ZSWIM7: variants seen among roughly 807,000 people sequenced by gnomAD.
ZSWIM7 encodes zinc finger SWIM-type containing 7.
Under a neutral mutation model 21.1 loss-of-function variants are expected in ZSWIM7, and 22 were observed. That is an observed-to-expected ratio of 1.04 (90% confidence interval 0.74 to 1.49). ZSWIM7 has a LOEUF of 1.49. Ranked by LOEUF, ZSWIM7 falls within the 40% of genes most tolerant of loss-of-function variation. The probability of loss-of-function intolerance (pLI) is 0.00; values close to 1 mark genes in which losing one functional copy is unlikely to be tolerated. For missense variants in ZSWIM7, 193 were observed against 168.0 expected (o/e 1.15, Z -0.82); for synonymous variants, 67 against 66.5 (o/e 1.01, Z -0.04).
intron 1 of ZSWIM7, among the ~76,000 whole-genome samples, chr17:15,994,523 T>C (rs1042737643): frequency 2.6e-5 from 4 of 152,136 alleles, no homozygotes; most frequent in African/African-American, 9.7e-5. Context: ...TCTTTTCGAG[T>C]ACGTTTGAGA....
At chr17:15,982,283 G>A (rs554077631) in intron 3 of ZSWIM7, among the ~76,000 whole-genome samples, 30 of 152,182 alleles carry the variant, frequency 2.0e-4, no homozygotes, top group Non-Finnish European at 1.5e-5. Flanking sequence ...TTTTTGTTGA[G>A]GTCTTCATTC....
Position 15,999,633 on chromosome 17 carries a change from C to G in ZSWIM7, c.-39G>C. 6.4e-7 allele frequency: 1 copy of G among 1,566,644 alleles called. No homozygotes were observed. The highest frequency in any genetic ancestry group is 8.6e-7 in the Non-Finnish European group (1 of 1,157,028). ...ACGCCCTCCACGACCGGCGGACCGCCGCGACGCTCCAGCTGACTGCGCCTA... is the reference window on the plus strand; with the variant it reads ...ACGCCCTCCACGACCGGCGGACCGCGGCGACGCTCCAGCTGACTGCGCCTA... On this transcript the variant is annotated 5_prime_UTR_variant, in exon 1 of 5. Transcript: ENST00000399277.
chr17:15,985,712 C>T (rs886605620), intron 3 of ZSWIM7, among the ~76,000 whole-genome samples: 1 of 152,122 alleles, frequency 6.6e-6, no homozygotes, highest in South Asian at 2.1e-4. Context: ...TACTGTTGAC[C>T]AATGGGAGGA....
At chr17:15,995,428 C>G (rs972855525) in intron 1 of ZSWIM7, among the ~76,000 whole-genome samples, 1 of 150,684 alleles carries the variant, frequency 6.6e-6, no homozygotes, top group Non-Finnish European at 1.5e-5. Context: ...CCACCACGCC[C>G]AGCTAATTTT....
chr17:15,999,628 A>C lies in ZSWIM7; in HGVS notation c.-34T>G. The C allele has an allele frequency of 6.4e-7, 1 of 1,564,756 alleles. No individual in the cohort carries two copies. The highest frequency in any genetic ancestry group is 8.6e-7 in the Non-Finnish European group (1 of 1,156,290). ...AGGACACGCCCTCCACGACCGGCGG[A>C]CCGCCGCGACGCTCCAGCTGACTGC... is the stretch of plus-strand genomic sequence containing the variant. On this transcript the variant is annotated 5_prime_UTR_variant, in exon 1 of 5. Transcript: ENST00000399277.
At chr17:15,978,206 C>T in intron 4 of ZSWIM7, 43 bp from the exon 5 acceptor site, 1 of 1,452,934 alleles carries the variant, frequency 6.9e-7, no homozygotes, top group African/African-American at 1.4e-5. Flanking sequence ...CAGGCAGGGC[C>T]AGGGCTGGCC....
chr17:15,999,377 T>C (rs1358284687), intron 1 of ZSWIM7, 142 bp downstream of exon 1: 7 of 1,094,566 alleles, frequency 6.4e-6, no homozygotes, highest in African/African-American at 1.6e-5. Flanking sequence ...TTTTGTCTTT[T>C]TACGAACAAG....
rs61530520 is a variant in ZSWIM7, at chr17:15,977,516, G to A, written c.*531C>T. 6,968 of 148,388 alleles carry A rather than the reference G, an allele frequency of 0.047. 154 individuals are homozygous for A. Among genetic ancestry groups the A allele is most frequent in the East Asian group, 0.075 (388 of 5,162 alleles). 9.2% of individuals were successfully genotyped at this position (148,388 alleles called of 1,614,324 possible). On this transcript the variant is annotated 3_prime_UTR_variant, in exon 5 of 5. Transcript: ENST00000399277. ...AGATGGAGACCATCCTGGCTAACAC[G>A]GTGAAACCCCATCTCTACTAAAAAA... is the stretch of plus-strand genomic sequence containing the variant.
intron 2 of ZSWIM7, among the ~76,000 whole-genome samples, chr17:15,993,153 C>T (rs1341237342): frequency 2.0e-5 from 3 of 151,900 alleles, no homozygotes; most frequent in Admixed American, 6.6e-5. Context: ...GCTGGGATTG[C>T]AGGTGTGAGC....
chr17:15,979,064 T>C lies in ZSWIM7; in HGVS notation c.307-901A>G, dbSNP rs917818581. ...GGGATTTGGCAGGGTCATAGGACAA[T>C]AGTGGAGGGAAGGTCAGCAGATAAA... On this transcript the variant is annotated intron_variant, in intron 4 of 4. Coordinates refer to ENST00000399277, the MANE Select transcript of ZSWIM7 (RefSeq NM_001042697.2). 4.0e-5 allele frequency among the ~76,000 whole-genome samples: 6 copies of C among 150,108 alleles called. No individual in the cohort carries two copies. The East Asian group carries it at 7.8e-4, about 19-fold the overall frequency.
chr17:15,992,421 G>C (rs1252302167), intron 2 of ZSWIM7, among the ~76,000 whole-genome samples: 2 of 140,108 alleles, frequency 1.4e-5, no homozygotes, highest in Non-Finnish European at 3.1e-5. Context: ...TTTTTCATGT[G>C]TTAGTTGAAC....
rs776041028 is a variant in ZSWIM7 at position 15,999,654 on chromosome 17, G to A, written c.-60C>T. On this transcript the variant is annotated 5_prime_UTR_variant, in exon 1 of 5. Coordinates refer to ENST00000399277, the MANE Select transcript of ZSWIM7 (RefSeq NM_001042697.2). Reference sequence around the variant, plus strand: ...CCGCCGCGACGCTCCAGCTGACTGCGCCTACCTGTGGAGGATCCTGACCCC... The same window carrying A: ...CCGCCGCGACGCTCCAGCTGACTGCACCTACCTGTGGAGGATCCTGACCCC... 8.8e-5 allele frequency: 138 copies of A among 1,563,560 alleles called. No homozygotes were observed. Among genetic ancestry groups the A allele is most frequent in the Non-Finnish European group, 1.1e-4 (130 of 1,155,300 alleles).
chr17:15,989,139 T>C (rs1970451575), intron 2 of ZSWIM7, among the ~76,000 whole-genome samples: 1 of 152,218 alleles, frequency 6.6e-6, no homozygotes, highest in Admixed American at 6.5e-5. Flanking sequence ...AAATGTGTAC[T>C]TTTTGGATTA....
chr17:15,980,905 G>T, intron 4 of ZSWIM7, 135 bp downstream of exon 4: 1 of 575,770 alleles, frequency 1.7e-6, no homozygotes, highest in Non-Finnish European at 3.0e-6. Flanking sequence ...GTGACTAACT[G>T]AAGACAAAGA....
intron 2 of ZSWIM7, chr17:15,991,082 T>C (rs950624752): frequency 2.6e-5 from 4 of 152,002 alleles, no homozygotes; most frequent in African/African-American, 4.8e-5. Context: ...TACTCCAGCC[T>C]CAGTGACAGA....
intron 3 of ZSWIM7, among the ~76,000 whole-genome samples, chr17:15,985,686 A>T (rs1970400882): frequency 6.6e-6 from 1 of 152,188 alleles, no homozygotes; most frequent in Non-Finnish European, 1.5e-5. Flanking sequence ...ACAAAAACTA[A>T]ACCAGTGACT....
chr17:15,991,009 G>A (rs1159902611), intron 2 of ZSWIM7: 1 of 152,180 alleles, frequency 6.6e-6, no homozygotes, highest in Non-Finnish European at 1.5e-5. Flanking sequence ...TCAGGAGGCT[G>A]AGGCAGGAGA....
rs777773265 is a variant in ZSWIM7 at position 15,999,609 on chromosome 17, C to T, written c.-15G>A. 2.6e-6 allele frequency: 4 copies of T among 1,568,332 alleles called. No individual in the cohort carries two copies. Among genetic ancestry groups the T allele is most frequent in the African/African-American group, 1.4e-5 (1 of 73,812 alleles). ...ACTACGGCCATCGCGCCGCAGGACA[C>T]GCCCTCCACGACCGGCGGACCGCCG... On this transcript the variant is annotated 5_prime_UTR_variant, in exon 1 of 5. The change creates a new upstream start codon in the 5' untranslated region. Transcript: ENST00000399277.
At chr17:15,987,432 C>A in intron 2 of ZSWIM7, 64 bp from the exon 3 acceptor site, 1 of 1,309,146 alleles carries the variant, frequency 7.6e-7, no homozygotes, top group East Asian at 2.4e-5. Context: ...GTAACTTGCC[C>A]AAAGGATCAC....
Sources: gnomAD v4.1 joint callset for allele counts (sites outside exome capture counted in the v4.1 genomes callset) on GRCh38, gnomAD v4.1.1 for gene constraint, MANE v1.5 for transcripts, NCBI Gene and HGNC (gene_info 2026-07-23, HGNC 2026-07-21) for gene names.